CD40LG: variants seen among roughly 807,000 people sequenced by gnomAD.
CD40LG encodes CD40 antigen ligand.
CD40LG carries 1 observed loss-of-function variant against 17.2 expected under a neutral mutation model. The observed-to-expected ratio is 0.06, with a 90% CI of 0.02 to 0.28. The LOEUF (loss-of-function observed/expected upper bound fraction) is 0.28. CD40LG is among the 10% of genes least tolerant of loss of function. The pLI, the probability that CD40LG is intolerant of heterozygous loss-of-function variation, is 1.00. For synonymous variants in CD40LG, 66 were observed against 74.4 expected (o/e 0.89, Z 0.58); for missense variants, 133 against 193.2 (o/e 0.69, Z 1.85).
intron 2 of CD40LG, among the ~76,000 whole-genome samples, chrX:136,652,057 T>C (rs539466617): frequency 2.7e-5 from 3 of 111,197 alleles, no homozygotes; most frequent in African/African-American, 9.8e-5. Flanking sequence ...CCTCCCTGCT[T>C]ATGCTTGTAT....
At chrX:136,651,941 A>G (rs937343948) in intron 2 of CD40LG, among the ~76,000 whole-genome samples, 1 of 111,183 alleles carries the variant, frequency 9.0e-6, no homozygotes, top group South Asian at 3.8e-4. Context: ...GGAGACTTTT[A>G]CGGTTGAATT....
chrX:136,656,688 G>T (rs1253415078), intron 4 of CD40LG, among the ~76,000 whole-genome samples: 2 of 111,629 alleles, frequency 1.8e-5, no homozygotes, highest in African/African-American at 6.5e-5. Flanking sequence ...ACTGGGTGGA[G>T]GGACCATTGT....
In CD40LG at chrX:136,648,202, T is replaced by C; in HGVS notation, c.-47T>C. 1 of 1,063,299 alleles carries C rather than the reference T, an allele frequency of 9.4e-7. No individual in the cohort carries two copies. The highest frequency in any genetic ancestry group is 2.5e-4 in the Middle Eastern group (1 of 4,028). The allele number at this position is 1,063,299 out of a possible 1,213,427, so 87.6% of individuals were successfully genotyped here. On this transcript the variant is annotated 5_prime_UTR_variant, in exon 1 of 5. Transcript: ENST00000370629. ...ACTTTGACAGTCTTCTCATGCTGCC[T>C]CTGCCACCTTCTCTGCCAGAAGATA...
intron 4 of CD40LG, among the ~76,000 whole-genome samples, chrX:136,657,958 C>T (rs1489189942): frequency 1.8e-5 from 2 of 111,527 alleles, no homozygotes; most frequent in Non-Finnish European, 3.8e-5. Context: ...TAGGTAAGGA[C>T]GTACCAAAGT....
chrX:136,648,550 T>TC (rs2148550635), intron 1 of CD40LG, 146 bp downstream of exon 1: 1 of 573,612 alleles, frequency 1.7e-6, no homozygotes, highest in East Asian at 3.4e-5. Context: ...CAATGAAGTC[T>TC]CATATTCTTG....
intron 2 of CD40LG, among the ~76,000 whole-genome samples, chrX:136,651,650 C>A (rs2076104060): frequency 8.9e-6 from 1 of 111,779 alleles, no homozygotes; most frequent in Admixed American, 9.5e-5. Flanking sequence ...AGGATTTGGG[C>A]CAGTATTACA....
chrX:136,649,963 A>G (rs1250693350), intron 1 of CD40LG, among the ~76,000 whole-genome samples: 1 of 112,588 alleles, frequency 8.9e-6, no homozygotes, highest in Admixed American at 9.4e-5. Flanking sequence ...AAATGTGACA[A>G]TTACAGAATA....
rs1556145309 is a variant in CD40LG, at chrX:136,660,157, CAG to C, written c.*745_*746del. 4.6e-4 allele frequency: 46 copies of C among 100,062 alleles called. 1 individual carries two copies. The highest frequency in any genetic ancestry group is 4.8e-3 in the Middle Eastern group (1 of 209). The allele number at this position is 100,062 out of a possible 1,213,427, so 8.2% of individuals were successfully genotyped here. A position where few individuals can be genotyped will look rare whatever the true frequency, so the allele number is the denominator to read the frequency against. ...ACACACACACACACACACACACACACAGAGTCAGGCCGTTGCTAGTCAGTTCT... is the reference window on the plus strand; with the variant it reads ...ACACACACACACACACACACACACACAGTCAGGCCGTTGCTAGTCAGTTCT... On this transcript the variant is annotated 3_prime_UTR_variant, in exon 5 of 5. Transcript: ENST00000370629.
chrX:136,648,705 TTA>T lies in CD40LG; in HGVS notation c.156+302_156+303del, dbSNP rs1203885930. Among the ~76,000 whole-genome samples the T allele has an allele frequency of 3.6e-5, 4 of 111,890 alleles. No homozygotes were observed. The Admixed American group carries it at 3.8e-4, about 11-fold the overall frequency. ...ATGGTATTGGTGTCCATTTCATAGA[TTA>T]AGTGAGTTTAGCCTTGTAAAAAGCT... On this transcript the variant is annotated intron_variant, in intron 1 of 4. Transcript: ENST00000370629.
chrX:136,649,679 T>C (rs1015516255), intron 1 of CD40LG, among the ~76,000 whole-genome samples: 1 of 113,048 alleles, frequency 8.8e-6, no homozygotes, highest in African/African-American at 3.2e-5. Context: ...GTGAATTCTG[T>C]ACATTTAATT....
At chrX:136,648,489 G>A in intron 1 of CD40LG, 85 bp downstream of exon 1, 1 of 828,375 alleles carries the variant, frequency 1.2e-6, no homozygotes, top group Non-Finnish European at 1.8e-6. Flanking sequence ...ATGGATGATG[G>A]TAGAAACCAA....
Position 136,659,920 on chromosome X carries a change from A to ACCACCCC in CD40LG, c.*507_*508insACCCCCC, listed in dbSNP as rs2076129891. The ACCACCCC allele has an allele frequency of 5.4e-5, 1 of 18,644 alleles. No individual in the cohort carries two copies. The highest frequency in any genetic ancestry group is 1.7e-4 in the Non-Finnish European group (1 of 5,739). The allele number at this position is 18,644 out of a possible 1,213,427, so 1.5% of individuals were successfully genotyped here. A position where few individuals can be genotyped will look rare whatever the true frequency, so the allele number is the denominator to read the frequency against. On this transcript the variant is annotated 3_prime_UTR_variant, in exon 5 of 5. Coordinates refer to ENST00000370629, the MANE Select transcript of CD40LG (RefSeq NM_000074.3). ...ACGTCTAACACAGTGGAGAACCGAA[A>ACCACCCC]CCCCCCCCCCCCCCCCGCCACCCTC...
chrX:136,653,886 A>G (rs1017520238), intron 2 of CD40LG, among the ~76,000 whole-genome samples: 2 of 112,248 alleles, frequency 1.8e-5, no homozygotes, highest in African/African-American at 6.5e-5. Context: ...GGGTCTTTTC[A>G]TAGTCTGGCA....
At chrX:136,648,446 C>T (rs1445836279) in intron 1 of CD40LG, 42 bp downstream of exon 1, 1 of 1,132,374 alleles carries the variant, frequency 8.8e-7, no homozygotes, top group Admixed American at 2.2e-5. Context: ...ATTTGGGGTC[C>T]TTACTAATTC....
At position 136,659,311 on chromosome X, in the gene CD40LG, G is replaced by T. The variant is rs755229833; in HGVS notation, c.682G>T (p.Val228Leu). 4.1e-6 allele frequency: 5 copies of T among 1,211,026 alleles called. No individual in the cohort carries two copies. Among genetic ancestry groups the T allele is most frequent in the Non-Finnish European group, 5.6e-6 (5 of 894,903 alleles). ...GCAACAATCCATTCACTTGGGAGGAGTATTTGAATTGCAACCAGGTGCTTC... is the reference window on the plus strand; with the variant it reads ...GCAACAATCCATTCACTTGGGAGGATTATTTGAATTGCAACCAGGTGCTTC... ...CGQQSIHLGG[V>L]FELQPGASVF... is the part of the protein sequence containing the mutation. Residue 228 changes from valine (V) to leucine (L), a missense_variant, in exon 5 of 5, where the codon GTA becomes TTA. By Grantham distance (32) the Val-to-Leu change is conservative. Transcript: ENST00000370629.
chrX:136,656,439 G>A lies in CD40LG; in HGVS notation c.409+21G>A, dbSNP rs752300999. 2.6e-6 allele frequency: 3 copies of A among 1,171,370 alleles called. No homozygotes were observed. In the Admixed American group the frequency reaches 6.5e-5, roughly 25 times the overall value. On this transcript the variant is annotated intron_variant, in intron 4 of 4. Transcript: ENST00000370629. ...ATCTGGTAAGTCACACAGCATCTGA[G>A]CGGTAGCCACCCAAGGGGAAAGGCT... is the stretch of plus-strand genomic sequence containing the variant.
chrX:136,654,388 A>G lies in CD40LG; in HGVS notation c.304A>G (p.Lys102Glu). ...CTTATTTTAGGATATAATGTTAAAC[A>G]AAGAGGAGACGAAGAAAGAAAACAG... ...EGFVKDIMLN[K>E]EETKKENSFE... is the part of the protein sequence containing the mutation. The change falls in exon 3 of 5, where the codon AAA (lysine) becomes GAA (glutamate). Residue 102 changes from lysine to glutamate, a missense_variant. Physicochemically the swap from Lys to Glu is moderately conservative, Grantham distance 56. Coordinates refer to ENST00000370629, the MANE Select transcript of CD40LG (RefSeq NM_000074.3). The G allele has an allele frequency of 8.3e-7, 1 of 1,201,381 alleles. No individual in the cohort carries two copies. Among genetic ancestry groups the G allele is most frequent in the Non-Finnish European group, 1.1e-6 (1 of 885,911 alleles).
At chrX:136,658,409 A>G (rs78147285) in intron 4 of CD40LG, among the ~76,000 whole-genome samples, 1 of 111,474 alleles carries the variant, frequency 9.0e-6, no homozygotes, top group Non-Finnish European at 1.9e-5. Context: ...GCCCACTACA[A>G]TGGGAGATCA....
chrX:136,655,219 G>A (rs2076115580), intron 3 of CD40LG, among the ~76,000 whole-genome samples: 1 of 111,445 alleles, frequency 9.0e-6, no homozygotes, highest in Non-Finnish European at 1.9e-5. Flanking sequence ...TCCAGATATG[G>A]AAGACAGCAA....
Sources: gnomAD v4.1 joint callset for allele counts (sites outside exome capture counted in the v4.1 genomes callset) on GRCh38, gnomAD v4.1.1 for gene constraint, MANE v1.5 for transcripts, NCBI Gene and HGNC (gene_info 2026-07-23, HGNC 2026-07-21) for gene names.